The following FBN2 variants were observed in gnomAD, a reference collection of about 807,000 sequenced individuals.
The protein encoded by FBN2 is fibrillin-2.
FBN2 carries 105 observed loss-of-function variants against 355.6 expected under a neutral mutation model. The ratio of observed to expected loss-of-function variants is 0.30; its 90% CI spans 0.25 to 0.35. FBN2 has a LOEUF of 0.35. Among genes scored for constraint, FBN2 ranks in the 10% least tolerant of loss-of-function variants. The pLI, the probability that FBN2 is intolerant of heterozygous loss-of-function variation, is 1.00. For synonymous variants in FBN2, 1,350 were observed against 1,301.2 expected (o/e 1.04, Z -0.81); for missense variants, 3,280 against 3,758.7 (o/e 0.87, Z 3.33).
rs192836459 is a variant in FBN2 at position 128,490,424 on chromosome 5, T to C, written c.629-25503A>G. Among the ~76,000 whole-genome samples, 21 of 152,284 alleles carry C rather than the reference T, an allele frequency of 1.4e-4. No individual in the cohort carries two copies. The East Asian group carries it at 3.5e-3, about 25-fold the overall frequency. Reference sequence around the variant, plus strand: ...AACAAAGATAATTGAATCATAAAAATAGCCAACCTGTTCCTCAAAATTCCA... The same window carrying C: ...AACAAAGATAATTGAATCATAAAAACAGCCAACCTGTTCCTCAAAATTCCA... On this transcript the variant is annotated intron_variant, in intron 5 of 64. Transcript: ENST00000262464.
chr5:128,261,618 A>G (rs2126793593), intron 64 of FBN2, 118 bp downstream of exon 64: 2 of 862,638 alleles, frequency 2.3e-6, no homozygotes, highest in South Asian at 2.7e-5. Flanking sequence ...CCATTAATTT[A>G]TCCATTAAAT....
chr5:128,340,417 A>G (rs1427233684), intron 25 of FBN2, among the ~76,000 whole-genome samples: 1 of 152,212 alleles, frequency 6.6e-6, no homozygotes, highest in African/African-American at 2.4e-5. Context: ...AAAAAAATGT[A>G]AATACTTTCT....
At chr5:128,438,716 G>T (rs572834687) in intron 7 of FBN2, among the ~76,000 whole-genome samples, 1 of 152,052 alleles carries the variant, frequency 6.6e-6, no homozygotes, top group African/African-American at 2.4e-5. Flanking sequence ...AGTTCTGGAC[G>T]GAAATTCACT....
intron 8 of FBN2, among the ~76,000 whole-genome samples, chr5:128,405,558 G>A (rs1752905634): frequency 6.6e-6 from 1 of 152,190 alleles, no homozygotes. Context: ...TGAATAAAAT[G>A]AGGATTCATG....
At chr5:128,346,951 A>C (rs1751198520) in intron 23 of FBN2, among the ~76,000 whole-genome samples, 1 of 152,152 alleles carries the variant, frequency 6.6e-6, no homozygotes, top group Non-Finnish European at 1.5e-5. Flanking sequence ...ATTAACACAA[A>C]CCAAAAAGCC....
chr5:128,270,607 G>A (rs561688689), intron 62 of FBN2, among the ~76,000 whole-genome samples: 63 of 152,226 alleles, frequency 4.1e-4, no homozygotes, highest in African/African-American at 1.4e-3. Flanking sequence ...ACTTCATGAC[G>A]AAAACGTCAA....
rs138046782 is a variant in FBN2 at position 128,393,189 on chromosome 5, C to T, written c.1411G>A (p.Val471Ile). Residue 471 changes from valine (V) to isoleucine (I), a missense_variant, in exon 10 of 65, where the codon GTT becomes ATT. By Grantham distance (29) the Val-to-Ile change is conservative (BLOSUM62 3). This residue lies in a region of FBN2 where 343 missense variants were observed against 331.0 expected (regional missense o/e 1.04). Coordinates refer to ENST00000262464, the MANE Select transcript of FBN2 (RefSeq NM_001999.4). ...IPGGNGFSPG[V>I]GGAGVGAGGQ... ...CCGGCCCCCACACCGGCTCCCCCAA[C>T]GCCAGGAGAAAAGCCATTGCCTCCA... 3.5e-5 allele frequency: 56 copies of T among 1,614,070 alleles called. No homozygotes were observed. Among genetic ancestry groups the T allele is most frequent in the Middle Eastern group, 3.3e-4 (2 of 6,084 alleles).
intron 17 of FBN2, among the ~76,000 whole-genome samples, chr5:128,365,663 T>TAA (rs916301159): frequency 2.0e-5 from 3 of 150,178 alleles, no homozygotes; most frequent in African/African-American, 7.3e-5. Flanking sequence ...TATATATATA[T>TAA]AACCGTATAT....
chr5:128,437,783 T>C (rs1159385897), intron 7 of FBN2, among the ~76,000 whole-genome samples: 2 of 86,956 alleles, frequency 2.3e-5, no homozygotes, highest in East Asian at 4.1e-4. Context: ...TATAGATAGA[T>C]AGATAGATAG....
chr5:128,320,221 A>AT (rs200693280), intron 34 of FBN2, among the ~76,000 whole-genome samples: 12,747 of 143,826 alleles, frequency 0.089, 727 homozygotes, highest in Admixed American at 0.18. Flanking sequence ...CTGACTATGC[A>AT]TTTTTTTTTT....
At chr5:128,427,228 T>G (rs1488147379) in intron 7 of FBN2, among the ~76,000 whole-genome samples, 1 of 152,094 alleles carries the variant, frequency 6.6e-6, no homozygotes, top group Non-Finnish European at 1.5e-5. Flanking sequence ...AAGATAATCT[T>G]GAGTTCCTTC....
At chr5:128,422,052 A>C (rs932238801) in intron 7 of FBN2, among the ~76,000 whole-genome samples, 1 of 152,206 alleles carries the variant, frequency 6.6e-6, no homozygotes, top group East Asian at 1.9e-4. Context: ...GCCACAAGCC[A>C]AGGAACGAGG....
rs1362161515 is a variant in FBN2, at chr5:128,350,871, G to C, written c.2809C>G (p.Leu937Val). The C allele has an allele frequency of 3.1e-6, 5 of 1,614,140 alleles. No homozygotes were observed. The highest frequency in any genetic ancestry group is 4.2e-6 in the Non-Finnish European group (5 of 1,180,030). Residue 937 changes from leucine to valine, a missense_variant, in exon 21 of 65, where the codon CTA becomes GTA. Leu to Val is a conservative substitution (Grantham distance 32). Transcript: ENST00000262464. ...AAGCTCCCAATAAGGCTCCTACCTA[G>C]TTCACACCGCTCACAGGGGCTCCCC... ...AWGSPCERCE[L>V]DTACPRGLAR...
chr5:128,277,836 T>C (rs759743264), intron 58 of FBN2, 44 bp downstream of exon 58: 5 of 1,610,166 alleles, frequency 3.1e-6, no homozygotes, highest in Non-Finnish European at 4.2e-6. Flanking sequence ...AAACAGTAGC[T>C]GATTAGCCCC....
chr5:128,491,222 G>T (rs7726495), intron 5 of FBN2, among the ~76,000 whole-genome samples: 117 of 152,236 alleles, frequency 7.7e-4, no homozygotes, highest in African/African-American at 2.6e-3. Context: ...CTTTAAAACT[G>T]GCTTTTAAAA....
chr5:128,342,611 G>C (rs1377348739), intron 25 of FBN2, among the ~76,000 whole-genome samples: 1 of 152,168 alleles, frequency 6.6e-6, no homozygotes, highest in Non-Finnish European at 1.5e-5. Flanking sequence ...GAGCGAACCT[G>C]CTGAGACAAC....
intron 34 of FBN2, among the ~76,000 whole-genome samples, chr5:128,323,049 C>G (rs377561623): frequency 1.3e-5 from 2 of 152,066 alleles, no homozygotes; most frequent in African/African-American, 4.8e-5. Flanking sequence ...AATGGGAGTT[C>G]ACTCATGATT....
At chr5:128,399,865 G>A (rs1385343275) in intron 8 of FBN2, among the ~76,000 whole-genome samples, 1 of 151,766 alleles carries the variant, frequency 6.6e-6, no homozygotes, top group African/African-American at 2.4e-5. Context: ...GCAGGTCGGG[G>A]GGATCCTGAA....
chr5:128,401,606 C>T (rs1752799530), intron 8 of FBN2, among the ~76,000 whole-genome samples: 1 of 152,028 alleles, frequency 6.6e-6, no homozygotes. Flanking sequence ...CATGGTGAAA[C>T]CCCATCTCTA....
Sources: gnomAD v4.1 joint callset for allele counts (sites outside exome capture counted in the v4.1 genomes callset) on GRCh38, gnomAD v4.1.1 for gene constraint, gnomAD v4.1.1 regional missense constraint, MANE v1.5 for transcripts, NCBI Gene and HGNC (gene_info 2026-07-23, HGNC 2026-07-21) for gene names.